The following AMBRA1 variants were observed in gnomAD, a reference collection of about 807,000 sequenced individuals.
AMBRA1 encodes activating molecule in BECN1-regulated autophagy protein 1.
In AMBRA1, 47 loss-of-function variants were observed where a neutral mutation model predicts 125.4. The observed-to-expected ratio is 0.37, with a 90% confidence interval of 0.30 to 0.48. The LOEUF is 0.48. Among genes scored for constraint, AMBRA1 ranks in the 20% least tolerant of loss-of-function variants. The pLI is 0.99. For synonymous variants in AMBRA1, 626 were observed against 655.5 expected (o/e 0.95, Z 0.69); for missense variants, 1,331 against 1,693.4 (o/e 0.79, Z 3.76).
At chr11:46,409,764 T>C (rs1297282946) in intron 16 of AMBRA1, among the ~76,000 whole-genome samples, 1 of 152,248 alleles carries the variant, frequency 6.6e-6, no homozygotes, top group Non-Finnish European at 1.5e-5. Flanking sequence ...CAGCAATTCC[T>C]AGGGGAAGTA....
In AMBRA1 at chr11:46,456,980, T is replaced by C. The variant is rs1031177353; in HGVS notation, c.2522-13382A>G. 1.3e-5 allele frequency among the ~76,000 whole-genome samples: 2 copies of C among 152,260 alleles called. 1 individual carries two copies. The highest frequency in any genetic ancestry group is 1.3e-4 in the Admixed American group (2 of 15,278). On this transcript the variant is annotated intron_variant, in intron 11 of 17. Transcript: ENST00000683756. ...AAATCAGCTTCTTAACCAACTCTTT[T>C]GTTAAAACTTTCCTTACAGGCCACC...
At chr11:46,506,116 G>C (rs1403055977) in intron 9 of AMBRA1, among the ~76,000 whole-genome samples, 2 of 152,186 alleles carry the variant, frequency 1.3e-5, no homozygotes, top group Admixed American at 1.3e-4. Flanking sequence ...ATATTTCACT[G>C]TAAGTATCTG....
chr11:46,567,666 A>C (rs2043582609), intron 1 of AMBRA1, among the ~76,000 whole-genome samples: 1 of 151,998 alleles, frequency 6.6e-6, no homozygotes, highest in African/African-American at 2.4e-5. Flanking sequence ...CAGCCTTTTA[A>C]GATGTCTTTT....
intron 8 of AMBRA1, among the ~76,000 whole-genome samples, chr11:46,510,611 G>T (rs1951220721): frequency 6.6e-6 from 1 of 152,178 alleles, no homozygotes; most frequent in South Asian, 2.1e-4. Context: ...TGATGCTAAT[G>T]ATAATAAGAA....
chr11:46,414,291 G>A (rs893305356), intron 15 of AMBRA1, among the ~76,000 whole-genome samples: 2 of 152,156 alleles, frequency 1.3e-5, no homozygotes, highest in South Asian at 2.1e-4. Flanking sequence ...TTAGAGCCTC[G>A]CCTGAAAGAT....
chr11:46,428,876 G>A, intron 14 of AMBRA1: 2 of 1,611,788 alleles, frequency 1.2e-6, no homozygotes, highest in Non-Finnish European at 8.5e-7. Context: ...GCGTAGGATG[G>A]CAGGCACAAT....
At chr11:46,446,869 C>T (rs1403922950) in intron 11 of AMBRA1, among the ~76,000 whole-genome samples, 1 of 152,192 alleles carries the variant, frequency 6.6e-6, no homozygotes, top group Non-Finnish European at 1.5e-5. Context: ...GAAACTAATC[C>T]AAGGCACAGC....
intron 5 of AMBRA1, 30 bp downstream of exon 5, chr11:46,545,574 C>T: frequency 6.2e-7 from 1 of 1,608,958 alleles, no homozygotes; most frequent in Non-Finnish European, 8.5e-7. Context: ...AGTCCTGTGC[C>T]AGACAATGCA....
In AMBRA1 at chr11:46,419,932, T is replaced by C. The variant is rs549415937; in HGVS notation, c.2977-1880A>G. 2.6e-4 allele frequency among the ~76,000 whole-genome samples: 38 copies of C among 148,988 alleles called. No homozygotes were observed. In the South Asian group the frequency reaches 4.5e-3, roughly 18 times the overall value. On this transcript the variant is annotated intron_variant, in intron 14 of 17. Coordinates refer to ENST00000683756, the MANE Select transcript of AMBRA1 (RefSeq NM_001387011.1). ...CACATGTTCATGTGCCTTGGGTACGTATCTGAAAGGCCTCTGACAGGACAG... is the reference window on the plus strand; with the variant it reads ...CACATGTTCATGTGCCTTGGGTACGCATCTGAAAGGCCTCTGACAGGACAG...
chr11:46,538,148 G>A (rs1200171867), intron 7 of AMBRA1, among the ~76,000 whole-genome samples: 4 of 152,136 alleles, frequency 2.6e-5, no homozygotes, highest in African/African-American at 7.2e-5. Flanking sequence ...CCATTCAAAT[G>A]GTGGTCCTTC....
intron 11 of AMBRA1, among the ~76,000 whole-genome samples, chr11:46,452,968 G>C (rs1948686529): frequency 6.6e-6 from 1 of 152,132 alleles, no homozygotes; most frequent in African/African-American, 2.4e-5. Flanking sequence ...TACAATTCAA[G>C]GTTATTAGCA....
At chr11:46,550,964 G>A in intron 1 of AMBRA1, among the ~76,000 whole-genome samples, 1 of 151,504 alleles carries the variant, frequency 6.6e-6, no homozygotes, top group East Asian at 1.9e-4. Flanking sequence ...AGACGTGGTG[G>A]CAGGAGACTG....
intron 14 of AMBRA1, among the ~76,000 whole-genome samples, chr11:46,420,767 G>C (rs1946809817): frequency 1.3e-5 from 2 of 152,172 alleles, no homozygotes; most frequent in East Asian, 1.9e-4. Flanking sequence ...GGAGCACCTT[G>C]GTTTTGAGCC....
intron 14 of AMBRA1, among the ~76,000 whole-genome samples, chr11:46,430,777 A>G (rs972388007): frequency 3.9e-5 from 6 of 152,206 alleles, no homozygotes; most frequent in Admixed American, 3.9e-4. Context: ...AGGTAACACC[A>G]GACAGAAGGG....
chr11:46,558,329 T>A (rs894547093), intron 1 of AMBRA1, among the ~76,000 whole-genome samples: 3 of 151,960 alleles, frequency 2.0e-5, no homozygotes, highest in African/African-American at 7.3e-5. Flanking sequence ...GGCAGGCAGA[T>A]CACGAGGTCA....
At chr11:46,449,137 GA>G (rs756682317) in intron 11 of AMBRA1, among the ~76,000 whole-genome samples, 4 of 152,106 alleles carry the variant, frequency 2.6e-5, no homozygotes, top group Non-Finnish European at 5.9e-5. Flanking sequence ...ACAAGGCAAG[GA>G]AGCCCCTTCT....
At chr11:46,515,604 T>A (rs1951442783) in intron 7 of AMBRA1, among the ~76,000 whole-genome samples, 1 of 152,242 alleles carries the variant, frequency 6.6e-6, no homozygotes, top group African/African-American at 2.4e-5. Context: ...AGATGATTTA[T>A]TAGGAATGCT....
Position 46,398,087 on chromosome 11 carries a change from T to C in AMBRA1, c.3404-144A>G, listed in dbSNP as rs1185109527. 5 of 1,151,486 alleles carry C rather than the reference T, an allele frequency of 4.3e-6. No individual in the cohort carries two copies. The African/African-American group carries it at 6.3e-5, about 14-fold the overall frequency. The allele number at this position is 1,151,486 out of a possible 1,614,324, so 71.3% of individuals were successfully genotyped here. The stretch of plus-strand genomic sequence containing the variant: ...CTCGCTCCATCACTGTGAAAACCAA[T>C]CCGAGTCTTGAAAGCTAGACAAAAC... On this transcript the variant is annotated intron_variant, in intron 17 of 17. Coordinates refer to ENST00000683756, the MANE Select transcript of AMBRA1 (RefSeq NM_001387011.1).
intron 17 of AMBRA1, among the ~76,000 whole-genome samples, chr11:46,401,844 C>G (rs539148350): frequency 2.0e-5 from 3 of 152,336 alleles, no homozygotes; most frequent in Non-Finnish European, 2.9e-5. Flanking sequence ...CTGGTTAAGT[C>G]TGCACCCTGT....
Sources: gnomAD v4.1 joint callset for allele counts (sites outside exome capture counted in the v4.1 genomes callset) on GRCh38, gnomAD v4.1.1 for gene constraint, MANE v1.5 for transcripts, NCBI Gene and HGNC (gene_info 2026-07-23, HGNC 2026-07-21) for gene names.